ARAP1: variants seen among roughly 807,000 people sequenced by gnomAD.
ARAP1 encodes the protein ArfGAP with RhoGAP domain, ankyrin repeat and PH domain 1.
In ARAP1, 76 loss-of-function variants were observed where a neutral mutation model predicts 172.2. That is an observed-to-expected ratio of 0.44 (90% CI 0.37 to 0.53). ARAP1 has a LOEUF of 0.53. ARAP1 is among the 20% of genes least tolerant of loss of function. The pLI, the probability that ARAP1 is intolerant of heterozygous loss-of-function variation, is 0.00. For missense variants in ARAP1, 1,686 were observed against 1,977.5 expected (o/e 0.85, Z 2.80); for synonymous variants, 804 against 803.3 (o/e 1.00, Z -0.01).
At chr11:72,718,527 C>T (rs1041767705) in intron 3 of ARAP1, among the ~76,000 whole-genome samples, 1 of 152,000 alleles carries the variant, frequency 6.6e-6, no homozygotes, top group Admixed American at 6.6e-5. Context: ...CAAAATGCAG[C>T]TCAGCCGGCC....
rs1211411910 is a variant in ARAP1, at chr11:72,712,240, T to G, written c.978A>C (p.Thr326=). The change falls in exon 7 of 35, where the codon ACA becomes ACC. Residue 326 remains threonine, a synonymous_variant. Transcript: ENST00000393609. ...CCAGCCAGCCAGCCTTGATGACTGGTGTGACGGGGGTGGAGCCCCCAGGCG... is the reference window on the plus strand; with the variant it reads ...CCAGCCAGCCAGCCTTGATGACTGGGGTGACGGGGGTGGAGCCCCCAGGCG... ...DGPPGGSTPV[T]PVIKAGWLDK... 1.9e-6 allele frequency: 3 copies of G among 1,607,872 alleles called. No homozygotes were observed. Among genetic ancestry groups the G allele is most frequent in the South Asian group, 2.2e-5 (2 of 90,430 alleles).
Position 72,725,117 on chromosome 11 carries a change from G to A in ARAP1, c.509+1503C>T, listed in dbSNP as rs755653650. 1.4e-4 allele frequency among the ~76,000 whole-genome samples: 21 copies of A among 152,096 alleles called. No individual in the cohort carries two copies. Among genetic ancestry groups the A allele is most frequent in the Admixed American group, 3.3e-4 (5 of 15,276 alleles). On this transcript the variant is annotated intron_variant, in intron 3 of 34. Transcript: ENST00000393609. The surrounding 1 kb of genome is among the most constrained non-coding windows in gnomAD (Gnocchi z 4.3). ...CAGAGTCACAAAGCTAGCTGGGCCC[G>A]ACCCAGGCATCCTGCCTCCCAAGCA...
chr11:72,685,944 C>G, intron 34 of ARAP1, 98 bp downstream of exon 34: 1 of 1,600,718 alleles, frequency 6.2e-7, no homozygotes, highest in Non-Finnish European at 8.5e-7. Flanking sequence ...GGAGGGCAAT[C>G]GGGGAGGGCA....
At position 72,725,973 on chromosome 11, in the gene ARAP1, G is replaced by A. The variant is rs77993076; in HGVS notation, c.509+647C>T. 1.4e-4 allele frequency among the ~76,000 whole-genome samples: 22 copies of A among 152,222 alleles called. No homozygotes were observed. In the East Asian group the frequency reaches 1.7e-3, roughly 12 times the overall value. ...CCAGCAGATGGCAGGAAGGGAGGGC[G>A]TCTGTGAAGGAGATTAACATGGAAT... On this transcript the variant is annotated intron_variant, in intron 3 of 34. Transcript: ENST00000393609. This position sits in a 1 kb window ranked among gnomAD's most constrained non-coding sequence, Gnocchi z 4.3.
At chr11:72,716,172 CA>C (rs201462857) in intron 3 of ARAP1, among the ~76,000 whole-genome samples, 902 of 73,270 alleles carry the variant, frequency 0.012, 1 homozygote, top group African/African-American at 0.048. Context: ...GACTCCGTCT[CA>C]AAAAAAAAAA....
intron 3 of ARAP1, among the ~76,000 whole-genome samples, chr11:72,723,526 A>T (rs1857594252): frequency 6.6e-6 from 1 of 151,920 alleles, no homozygotes. Context: ...CGTTCTTCCC[A>T]CCTGTCTCCT....
At chr11:72,715,573 T>C (rs1163704767) in intron 3 of ARAP1, among the ~76,000 whole-genome samples, 5 of 150,030 alleles carry the variant, frequency 3.3e-5, no homozygotes, top group South Asian at 2.1e-4. Flanking sequence ...TTAACTTCTT[T>C]TTTTTTTTTT....
chr11:72,718,072 G>A (rs1055727465), intron 3 of ARAP1, among the ~76,000 whole-genome samples: 5 of 152,312 alleles, frequency 3.3e-5, no homozygotes, highest in African/African-American at 4.8e-5. Flanking sequence ...CGTGTCTCAC[G>A]AAGGTGGAAC....
chr11:72,693,908 A>C lies in ARAP1; in HGVS notation c.3695-103T>G. 1.1e-6 allele frequency: 1 copy of C among 923,016 alleles called. No homozygotes were observed. The highest frequency in any genetic ancestry group is 1.6e-6 in the Non-Finnish European group (1 of 620,966). 57.2% of individuals were successfully genotyped at this position (923,016 alleles called of 1,614,324 possible). ...ACCTACACATCCCCTGTCCACTCCAACCATATGCAAGTGCCACGACACAAA... is the reference window on the plus strand; with the variant it reads ...ACCTACACATCCCCTGTCCACTCCACCCATATGCAAGTGCCACGACACAAA... On this transcript the variant is annotated intron_variant, in intron 27 of 34. Transcript: ENST00000393609. This position sits in a 1 kb window ranked among gnomAD's most constrained non-coding sequence, Gnocchi z 4.6.
At chr11:72,730,746 C>T (rs1051341686) in intron 2 of ARAP1, among the ~76,000 whole-genome samples, 1 of 152,184 alleles carries the variant, frequency 6.6e-6, no homozygotes, top group Non-Finnish European at 1.5e-5. Flanking sequence ...CCCATAGGCA[C>T]TTAGCCTGCA....
At chr11:72,691,670 G>GA (rs1284398209) in intron 30 of ARAP1, among the ~76,000 whole-genome samples, 1 of 152,180 alleles carries the variant, frequency 6.6e-6, no homozygotes, top group Non-Finnish European at 1.5e-5. Context: ...ATGACCTCAG[G>GA]AAATGCAAGG....
chr11:72,696,015 G>A (rs1856172699), intron 23 of ARAP1, 150 bp from the exon 24 acceptor site: 2 of 1,020,636 alleles, frequency 2.0e-6, no homozygotes, highest in Non-Finnish European at 2.8e-6. Context: ...CATATCTTGG[G>A]TCCTGGTAGG....
Position 72,726,522 on chromosome 11 carries a change from GT to G in ARAP1, c.509+97del. ...ACGCTGTTCCCCCTGCACTTCCGAAGTGCCTTTCTTACCCCAGCACCAAAGG... is the reference window on the plus strand; with the variant it reads ...ACGCTGTTCCCCCTGCACTTCCGAAGGCCTTTCTTACCCCAGCACCAAAGG... On this transcript the variant is annotated intron_variant, in intron 3 of 34. Coordinates refer to ENST00000393609, the MANE Select transcript of ARAP1 (RefSeq NM_001040118.3). This position sits in a 1 kb window ranked among gnomAD's most constrained non-coding sequence, Gnocchi z 6.5. The G allele has an allele frequency of 7.2e-7, 1 of 1,398,544 alleles. No individual in the cohort carries two copies. The highest frequency in any genetic ancestry group is 2.6e-4 in the Middle Eastern group (1 of 3,796). The allele number at this position is 1,398,544 out of a possible 1,614,324, so 86.6% of individuals were successfully genotyped here.
At chr11:72,709,763 G>A in intron 11 of ARAP1, 107 bp downstream of exon 11, 2 of 1,177,638 alleles carry the variant, frequency 1.7e-6, no homozygotes, top group Non-Finnish European at 2.5e-6. Flanking sequence ...GGGCGGGGCA[G>A]GGTGAGGGAA....
rs764113963 is a variant in ARAP1 at position 72,710,738 on chromosome 11, A to G, written c.1214-151T>C. The G allele has an allele frequency of 8.8e-6, 9 of 1,018,044 alleles. No individual in the cohort carries two copies. The highest frequency in any genetic ancestry group is 1.3e-5 in the Non-Finnish European group (9 of 715,596). 63.1% of individuals were successfully genotyped at this position (1,018,044 alleles called of 1,614,324 possible). A position where few individuals can be genotyped will look rare whatever the true frequency, so the allele number is the denominator to read the frequency against. On this transcript the variant is annotated intron_variant, in intron 9 of 34. Coordinates refer to ENST00000393609, the MANE Select transcript of ARAP1 (RefSeq NM_001040118.3). This position sits in a 1 kb window ranked among gnomAD's most constrained non-coding sequence, Gnocchi z 4.3. ...TGACTTCTCTGACTTGAACGAGCTC[A>G]GGCTCCAATCCCAGCTATGCCACTG...
intron 3 of ARAP1, among the ~76,000 whole-genome samples, chr11:72,719,661 C>A (rs929075552): frequency 1.3e-5 from 2 of 152,190 alleles, no homozygotes; most frequent in African/African-American, 4.8e-5. Flanking sequence ...CACCCCTACC[C>A]GTTCCTATCT....
intron 27 of ARAP1, among the ~76,000 whole-genome samples, chr11:72,694,500 A>T (rs11235569): frequency 1.3e-5 from 2 of 151,676 alleles, no homozygotes; most frequent in Non-Finnish European, 2.9e-5. Flanking sequence ...GGCTCAGGGA[A>T]GACCTGGCAA....
chr11:72,723,190 C>T (rs1373757105), intron 3 of ARAP1, among the ~76,000 whole-genome samples: 1 of 152,032 alleles, frequency 6.6e-6, no homozygotes, highest in Non-Finnish European at 1.5e-5. Flanking sequence ...CACTTGTAGT[C>T]CCAGCTACTT....
chr11:72,693,648 G>A lies in ARAP1; in HGVS notation c.3808+44C>T, dbSNP rs1327870523. ...ACCAGGTCCCACCCTGGCTCTGGAA[G>A]AGAGGACCACCCGGAGCCTGGCCAC... On this transcript the variant is annotated intron_variant, in intron 28 of 34. Transcript: ENST00000393609. The surrounding 1 kb of genome is among the most constrained non-coding windows in gnomAD (Gnocchi z 4.6). 3 of 1,558,230 alleles carry A rather than the reference G, an allele frequency of 1.9e-6. No homozygotes were observed. Among genetic ancestry groups the A allele is most frequent in the Non-Finnish European group, 2.6e-6 (3 of 1,149,346 alleles).
Sources: allele counts gnomAD v4.1 joint callset (sites outside exome capture counted in the v4.1 genomes callset), GRCh38; gene constraint gnomAD v4.1.1; non-coding constraint Gnocchi (gnomAD v3.1); transcripts MANE v1.5; gene names NCBI Gene and HGNC (gene_info 2026-07-23, HGNC 2026-07-21).